The following IKBKB-DT variants were observed in gnomAD, a reference collection of about 807,000 sequenced individuals.
The protein encoded by IKBKB-DT is IKBKB divergent transcript.
At chr8:42,233,793 T>C (rs56053792) in exon 4 of IKBKB-DT, 33,403 of 152,024 alleles carry the variant, frequency 0.22, 4,606 homozygotes, top group African/African-American at 0.38. Context: ...AAGAGCTGAT[T>C]GGTCAGGGAT....
At position 42,256,012 on chromosome 8, in the gene IKBKB-DT, G is replaced by A. The variant is rs566646618; in HGVS notation, n.1529+7317C>T. Among the ~76,000 whole-genome samples, 4 of 143,694 alleles carry A rather than the reference G, an allele frequency of 2.8e-5. No homozygotes were observed. In the East Asian group the frequency reaches 6.1e-4, roughly 22 times the overall value. The allele number at this position is 143,694 out of a possible 152,430, so 94.3% of individuals were successfully genotyped here. ...TTGCACTCCAGCCTGGGCGACAAGA[G>A]TGAAACTCCATCTCAAAAAAAAAAA... On this transcript the variant is annotated intron_variant and non_coding_transcript_variant, in intron 3 of 3. Coordinates refer to ENST00000518213, the Ensembl canonical transcript of IKBKB-DT.
chr8:42,266,726 G>A (rs561563717), intron 1 of IKBKB-DT, among the ~76,000 whole-genome samples: 2 of 152,094 alleles, frequency 1.3e-5, no homozygotes, highest in South Asian at 2.1e-4. Context: ...TAAAGAAGCC[G>A]GCTCTAACCC....
intron 3 of IKBKB-DT, among the ~76,000 whole-genome samples, chr8:42,255,885 G>A (rs898747780): frequency 1.3e-5 from 2 of 151,888 alleles, no homozygotes; most frequent in African/African-American, 2.4e-5. Context: ...AATTAGTCAG[G>A]AGTGGTGGCG....
In IKBKB-DT at chr8:42,262,747, T is replaced by A. The variant is rs181361758; in HGVS notation, n.1529+582A>T. 2.0e-5 allele frequency among the ~76,000 whole-genome samples: 3 copies of A among 149,130 alleles called. No individual in the cohort carries two copies. The East Asian group carries it at 6.1e-4, about 30-fold the overall frequency. On this transcript the variant is annotated intron_variant and non_coding_transcript_variant, in intron 3 of 3. Transcript: ENST00000518213. ...AGCCACCATGCCTGGCCTATTTTTT[T>A]ATTTTTTTGAGACAGGGTCTCATGC...
rs571527339 is a variant in IKBKB-DT at position 42,257,375 on chromosome 8, G to A, written n.1529+5954C>T. Reference sequence around the variant, plus strand: ...AAATTAGCTGGGTGTGGTGGCACGCGCCTGTAGTCCCAGCTACTTGGGAGG... The same window carrying A: ...AAATTAGCTGGGTGTGGTGGCACGCACCTGTAGTCCCAGCTACTTGGGAGG... On this transcript the variant is annotated intron_variant and non_coding_transcript_variant, in intron 3 of 3. Coordinates refer to ENST00000518213, the Ensembl canonical transcript of IKBKB-DT. 5.3e-5 allele frequency among the ~76,000 whole-genome samples: 8 copies of A among 152,056 alleles called. No individual in the cohort carries two copies. In the South Asian group the frequency reaches 1.2e-3, roughly 24 times the overall value.
At chr8:42,244,829 T>G (rs1807043782) in intron 3 of IKBKB-DT, among the ~76,000 whole-genome samples, 1 of 152,196 alleles carries the variant, frequency 6.6e-6, no homozygotes, top group Non-Finnish European at 1.5e-5. Flanking sequence ...TGCACTTCAG[T>G]GCTAGCTCTG....
intron 1 of IKBKB-DT, among the ~76,000 whole-genome samples, chr8:42,268,461 G>A (rs1440516578): frequency 6.6e-6 from 1 of 151,900 alleles, no homozygotes; most frequent in Non-Finnish European, 1.5e-5. Flanking sequence ...AGTAGAGACG[G>A]GGTTTCACTA....
At chr8:42,239,501 A>G (rs1806970302) in intron 3 of IKBKB-DT, among the ~76,000 whole-genome samples, 1 of 150,864 alleles carries the variant, frequency 6.6e-6, no homozygotes, top group African/African-American at 2.4e-5. Flanking sequence ...ATTAGCATCC[A>G]AAATTGACAA....
At chr8:42,252,115 C>T (rs1585464178) in intron 3 of IKBKB-DT, among the ~76,000 whole-genome samples, 1 of 152,212 alleles carries the variant, frequency 6.6e-6, no homozygotes, top group Admixed American at 6.5e-5. Context: ...TCTTTGTCCC[C>T]ACATATGCAG....
At chr8:42,264,398 C>T (rs1160700650) in intron 2 of IKBKB-DT, among the ~76,000 whole-genome samples, 1 of 151,988 alleles carries the variant, frequency 6.6e-6, no homozygotes, top group Non-Finnish European at 1.5e-5. Context: ...TCAAGCAATC[C>T]TCCTGCCTGG....
chr8:42,257,762 C>T (rs1275767473), intron 3 of IKBKB-DT, among the ~76,000 whole-genome samples: 1 of 151,724 alleles, frequency 6.6e-6, no homozygotes, highest in East Asian at 1.9e-4. Context: ...AGGAGGAGAC[C>T]TTATCTCTAA....
At chr8:42,242,403 T>C (rs968512724) in intron 3 of IKBKB-DT, among the ~76,000 whole-genome samples, 2 of 152,168 alleles carry the variant, frequency 1.3e-5, no homozygotes, top group African/African-American at 2.4e-5. Flanking sequence ...AGCAGTATTT[T>C]ACACTAAAAA....
chr8:42,250,769 G>A (rs545880424), intron 3 of IKBKB-DT, among the ~76,000 whole-genome samples: 9 of 152,262 alleles, frequency 5.9e-5, no homozygotes, highest in African/African-American at 1.9e-4. Flanking sequence ...TGTAATTCCA[G>A]CTACTCAGGA....
At chr8:42,244,333 A>G (rs1563275120) in intron 3 of IKBKB-DT, among the ~76,000 whole-genome samples, 1 of 152,330 alleles carries the variant, frequency 6.6e-6, no homozygotes, top group East Asian at 1.9e-4. Context: ...AACAGAGCCC[A>G]TTCCGTTTCC....
At chr8:42,257,499 C>CAAA (rs34815336) in intron 3 of IKBKB-DT, among the ~76,000 whole-genome samples, 10 of 143,460 alleles carry the variant, frequency 7.0e-5, no homozygotes, top group East Asian at 4.0e-4. Flanking sequence ...GACTCCATCT[C>CAAA]AAAAAAAAAA....
chr8:42,257,190 T>C (rs1380209335), intron 3 of IKBKB-DT, among the ~76,000 whole-genome samples: 1 of 152,216 alleles, frequency 6.6e-6, no homozygotes, highest in East Asian at 1.9e-4. Flanking sequence ...CAAATTAATT[T>C]AACAAGTTTG....
chr8:42,236,399 A>C (rs1219996190), intron 3 of IKBKB-DT, among the ~76,000 whole-genome samples: 1 of 152,210 alleles, frequency 6.6e-6, no homozygotes, highest in Admixed American at 6.5e-5. Flanking sequence ...GGTCTAGGTC[A>C]AAAAGACTTC....
At chr8:42,266,845 T>C (rs1046184799) in intron 1 of IKBKB-DT, among the ~76,000 whole-genome samples, 4 of 151,998 alleles carry the variant, frequency 2.6e-5, no homozygotes, top group Non-Finnish European at 5.9e-5. Flanking sequence ...GAAGTTACCC[T>C]ATTTGGTCTA....
intron 3 of IKBKB-DT, among the ~76,000 whole-genome samples, chr8:42,236,823 A>G (rs1201332691): frequency 6.6e-6 from 1 of 152,226 alleles, no homozygotes; most frequent in Non-Finnish European, 1.5e-5. Context: ...AAAGTGAAAA[A>G]AATTTCAAGA....
Sources: gnomAD v4.1 joint callset for allele counts (sites outside exome capture counted in the v4.1 genomes callset) on GRCh38, gnomAD v4.1.1 for gene constraint, MANE v1.5 for transcripts, NCBI Gene and HGNC (gene_info 2026-07-23, HGNC 2026-07-21) for gene names.